GPM6B: variants seen among roughly 807,000 people sequenced by gnomAD.
The protein encoded by GPM6B is neuronal membrane glycoprotein M6-b.
A neutral mutation model predicts 27.2 loss-of-function variants in GPM6B; 4 were observed. The ratio of observed to expected loss-of-function variants is 0.15; its 90% CI spans 0.07 to 0.34. The LOEUF (loss-of-function observed/expected upper bound fraction) is 0.34, where lower values mean the gene tolerates loss of function less well. GPM6B is among the 10% of genes least tolerant of loss of function. The probability of loss-of-function intolerance (pLI) is 1.00; values close to 1 mark genes in which losing one functional copy is unlikely to be tolerated. For missense variants in GPM6B, 183 were observed against 261.9 expected (o/e 0.70, Z 2.08); for synonymous variants, 124 against 103.1 (o/e 1.20, Z -1.23).
intron 1 of GPM6B, among the ~76,000 whole-genome samples, chrX:13,831,331 G>C (rs1409540625): frequency 9.1e-6 from 1 of 110,283 alleles, no homozygotes; most frequent in Non-Finnish European, 1.9e-5. Flanking sequence ...CTGATGGTTG[G>C]GATGGGAATT....
Position 13,779,899 on chromosome X carries a change from A to C in GPM6B, c.616T>G (p.Ser206Ala). The change falls in exon 5 of 8, where the codon TCA becomes GCA. Residue 206 changes from serine (S) to alanine (A), a missense_variant. Physicochemically the swap from Ser to Ala is moderately conservative, Grantham distance 99 (BLOSUM62 1). Coordinates refer to ENST00000316715, the MANE Select transcript of GPM6B (RefSeq NM_001001995.3). Reference sequence around the variant, plus strand: ...GGTGACTTGATGACTTCACAAGTTGACCATATGTTGTAGAACATAAACACG... The same window carrying C: ...GGTGACTTGATGACTTCACAAGTTGCCCATATGTTGTAGAACATAAACACG... ...VPVFMFYNIW[S>A]TCEVIKSPQT... The C allele has an allele frequency of 8.3e-7, 1 of 1,203,875 alleles. No homozygotes were observed. The highest frequency in any genetic ancestry group is 1.1e-6 in the Non-Finnish European group (1 of 889,680).
chrX:13,887,039 G>A (rs1217001128), intron 1 of GPM6B, among the ~76,000 whole-genome samples: 4 of 111,732 alleles, frequency 3.6e-5, no homozygotes, highest in Non-Finnish European at 3.8e-5. Context: ...GGCTAGTCTC[G>A]AATTCCTGAC....
chrX:13,902,651 CAGG>C (rs1419366660), intron 1 of GPM6B, among the ~76,000 whole-genome samples: 1 of 111,227 alleles, frequency 9.0e-6, no homozygotes, highest in East Asian at 2.8e-4. Context: ...CTAAGGAAAC[CAGG>C]AGAAGAACCA....
At chrX:13,823,633 C>T in intron 1 of GPM6B, among the ~76,000 whole-genome samples, 1 of 109,898 alleles carries the variant, frequency 9.1e-6, no homozygotes, top group Non-Finnish European at 1.9e-5. Context: ...GATTCTCCTG[C>T]CACAGCCTCC....
chrX:13,871,021 C>T (rs1246983247), intron 1 of GPM6B, among the ~76,000 whole-genome samples: 1 of 110,579 alleles, frequency 9.0e-6, no homozygotes, highest in Admixed American at 9.7e-5. Context: ...GAGCCATGAT[C>T]ACACCACTGC....
chrX:13,916,663 A>ATGCG (rs1555931116), intron 1 of GPM6B, among the ~76,000 whole-genome samples: 2 of 90,158 alleles, frequency 2.2e-5, no homozygotes, highest in Non-Finnish European at 4.4e-5. Flanking sequence ...TAGTTTATTA[A>ATGCG]TGTGTGTGTG....
chrX:13,787,466 G>C (rs755918178), intron 2 of GPM6B, among the ~76,000 whole-genome samples: 1 of 111,752 alleles, frequency 8.9e-6, no homozygotes, highest in East Asian at 2.8e-4. Context: ...TGAGGCAAGG[G>C]AATCGCTTGA....
chrX:13,917,416 TCA>T (rs908950567), intron 1 of GPM6B, among the ~76,000 whole-genome samples: 6 of 112,075 alleles, frequency 5.4e-5, no homozygotes, highest in African/African-American at 9.7e-5. Flanking sequence ...GAGGAGTGAG[TCA>T]CTGGACGTGA....
chrX:13,901,343 G>T (rs749649532), intron 1 of GPM6B, among the ~76,000 whole-genome samples: 94 of 110,766 alleles, frequency 8.5e-4, no homozygotes, highest in African/African-American at 2.9e-3. Context: ...AATTCAGAGA[G>T]AATTTCATTT....
chrX:13,876,531 AG>A (rs1232725559), intron 1 of GPM6B, among the ~76,000 whole-genome samples: 1 of 112,114 alleles, frequency 8.9e-6, no homozygotes, highest in African/African-American at 3.2e-5. Flanking sequence ...ATAATGTCAC[AG>A]GGAACTTTAA....
chrX:13,929,231 TCA>T (rs1296670047), intron 1 of GPM6B, among the ~76,000 whole-genome samples: 1 of 111,571 alleles, frequency 9.0e-6, no homozygotes, highest in Non-Finnish European at 1.9e-5. Context: ...AAAAGGATCT[TCA>T]CAGATTCAGT....
intron 1 of GPM6B, among the ~76,000 whole-genome samples, chrX:13,837,721 G>T (rs1172072465): frequency 5.8e-5 from 5 of 86,430 alleles, no homozygotes; most frequent in African/African-American, 1.6e-4. Context: ...GGGGGGGGGG[G>T]GGGGGGGAAG....
At chrX:13,848,052 G>A (rs1015726724) in intron 1 of GPM6B, among the ~76,000 whole-genome samples, 8 of 112,005 alleles carry the variant, frequency 7.1e-5, no homozygotes, top group African/African-American at 2.6e-4. Flanking sequence ...TGCTGGCAAA[G>A]TTGACAGATG....
intron 2 of GPM6B, among the ~76,000 whole-genome samples, chrX:13,791,470 C>T (rs1250919922): frequency 1.8e-5 from 2 of 111,955 alleles, no homozygotes; most frequent in Non-Finnish European, 3.8e-5. Flanking sequence ...TTCTCAATAC[C>T]TCTCACCAAA....
rs767223272 is a variant in GPM6B, at chrX:13,785,739, C to G, written c.251G>C (p.Cys84Ser). The G allele has an allele frequency of 2.5e-6, 3 of 1,209,425 alleles. No individual in the cohort carries two copies. The African/African-American group carries it at 5.2e-5, about 21-fold the overall frequency. Residue 84 changes from cysteine to serine, a missense_variant, in exon 3 of 8, where the codon TGC (cysteine) becomes TCC (serine). Coordinates refer to ENST00000316715, the MANE Select transcript of GPM6B (RefSeq NM_001001995.3). ...PYASLVATIL[C>S]FSGVALFCGC... ...GCAGAATAAGGCCACCCCGGAGAAG[C>G]AGAGGATGGTGGCCACCAGGGAGGC...
At chrX:13,865,560 AAAGAAAGAAAG>A (rs1291375023) in intron 1 of GPM6B, among the ~76,000 whole-genome samples, 1 of 40,831 alleles carries the variant, frequency 2.4e-5, no homozygotes, top group African/African-American at 8.1e-5. Flanking sequence ...AAAAAAAAAA[AAAGAAAGAAAG>A]AAAGAAAAGA....
At chrX:13,828,382 C>CA (rs1389477517) in intron 1 of GPM6B, among the ~76,000 whole-genome samples, 1 of 111,015 alleles carries the variant, frequency 9.0e-6, no homozygotes, top group Non-Finnish European at 1.9e-5. Flanking sequence ...GCCCCCTTGC[C>CA]ATGTGATGCT....
At chrX:13,837,806 C>T (rs1415066537) in intron 1 of GPM6B, among the ~76,000 whole-genome samples, 8 of 81,197 alleles carry the variant, frequency 9.9e-5, no homozygotes, top group Non-Finnish European at 2.3e-4. Context: ...AAGCGGCTTG[C>T]CTGATTGTCA....
intron 1 of GPM6B, chrX:13,889,758 T>C (rs976426622): frequency 5.4e-5 from 6 of 110,432 alleles, no homozygotes; most frequent in Admixed American, 9.7e-5. Flanking sequence ...AGAACTTTTT[T>C]TTTTTTATCA....
Sources: gnomAD v4.1 joint callset for allele counts (sites outside exome capture counted in the v4.1 genomes callset) on GRCh38, gnomAD v4.1.1 for gene constraint, MANE v1.5 for transcripts, NCBI Gene and HGNC (gene_info 2026-07-23, HGNC 2026-07-21) for gene names.